MLN: variants seen among roughly 807,000 people sequenced by gnomAD.
The protein encoded by MLN is promotilin.
MLN carries 14 observed loss-of-function variants against 13.3 expected under a neutral mutation model. The observed-to-expected ratio is 1.05, with a 90% CI of 0.69 to 1.64. The LOEUF is 1.64. Among genes scored for constraint, MLN ranks in the 40% most tolerant of loss-of-function variants. MLN has a pLI of 0.00. For synonymous variants in MLN, 59 were observed against 54.7 expected (o/e 1.08, Z -0.34); for missense variants, 122 against 142.9 (o/e 0.85, Z 0.75).
Position 33,794,850 on chromosome 6 carries a change from A to C in MLN, c.338-15T>G, listed in dbSNP as rs1767871296. On this transcript the variant is annotated splice_polypyrimidine_tract_variant and intron_variant, in intron 4 of 4. Transcript: ENST00000430124. ...TCACTTGGCTGCTGGAGAAAAGCAG[A>C]GGTTTGCGCTCAGTACCATCATCAG... 2 of 1,613,400 alleles carry C rather than the reference A, an allele frequency of 1.2e-6. No homozygotes were observed. The highest frequency in any genetic ancestry group is 1.3e-5 in the African/African-American group (1 of 74,886).
chr6:33,797,845 C>A (rs1481969806), intron 3 of MLN, among the ~76,000 whole-genome samples: 1 of 152,170 alleles, frequency 6.6e-6, no homozygotes, highest in East Asian at 1.9e-4. Flanking sequence ...TCCCATCCCT[C>A]CTCTGCTCAA....
intron 1 of MLN, 73 bp from the exon 2 acceptor site, chr6:33,801,243 C>T: frequency 8.8e-7 from 1 of 1,140,792 alleles, no homozygotes; most frequent in Non-Finnish European, 1.3e-6. Flanking sequence ...GAGGCAGGGG[C>T]CCTCAGTTCT....
intron 3 of MLN, among the ~76,000 whole-genome samples, chr6:33,796,088 T>A: frequency 6.6e-6 from 1 of 151,906 alleles, no homozygotes; most frequent in East Asian, 1.9e-4. Flanking sequence ...GCCTCCCAAG[T>A]AGCTGGGACT....
rs1229140330 is a variant in MLN at position 33,803,352 on chromosome 6, G to C, written c.-8+601C>G. On this transcript the variant is annotated intron_variant, in intron 1 of 4. Transcript: ENST00000430124. This position sits in a 1 kb window ranked among gnomAD's most constrained non-coding sequence, Gnocchi z 4.5. Reference sequence around the variant, plus strand: ...AGATGGAGTCTCGCTCTGTCTCCCAGGCTAGAGTGCAGTGGCGCGATCTCG... The same window carrying C: ...AGATGGAGTCTCGCTCTGTCTCCCACGCTAGAGTGCAGTGGCGCGATCTCG... 6.9e-6 allele frequency among the ~76,000 whole-genome samples: 1 copy of C among 144,920 alleles called. No individual in the cohort carries two copies. The highest frequency in any genetic ancestry group is 1.5e-5 in the Non-Finnish European group (1 of 66,994).
rs775919476 is a variant in MLN, at chr6:33,801,055, T to C, written c.109A>G (p.Arg37Gly). ...CAGCAGGGGGTTCTTACCTGCATCC[T>C]CTGGAGTTCGCCATAGGTGAAGATG... The part of the protein sequence containing the change: ...VPIFTYGELQ[R>G]MQEKERNKGQ... Residue 37 changes from arginine to glycine, a missense_variant, in exon 2 of 5, where the codon AGG (arginine) becomes GGG (glycine). Arg to Gly is a moderately radical substitution (Grantham distance 125, BLOSUM62 -2). Transcript: ENST00000430124. 1 of 1,613,774 alleles carries C rather than the reference T, an allele frequency of 6.2e-7. No individual in the cohort carries two copies. Among genetic ancestry groups the C allele is most frequent in the Admixed American group, 1.7e-5 (1 of 60,028 alleles).
At position 33,803,305 on chromosome 6, in the gene MLN, TTC is replaced by T. The variant is rs1468121174; in HGVS notation, c.-8+646_-8+647del. ...AACTTTTTCTTTTCCTTTTCTTTTC[TTC>T]TTTTTTTTTTTTTTTTCTGAGATGG... On this transcript the variant is annotated intron_variant, in intron 1 of 4. Transcript: ENST00000430124. This position sits in a 1 kb window ranked among gnomAD's most constrained non-coding sequence, Gnocchi z 4.5. Among the ~76,000 whole-genome samples the T allele has an allele frequency of 1.5e-5, 2 of 131,518 alleles. No individual in the cohort carries two copies. The highest frequency in any genetic ancestry group is 5.2e-5 in the African/African-American group (2 of 38,464). The allele number at this position is 131,518 out of a possible 152,430, so 86.3% of individuals were successfully genotyped here.
Position 33,795,591 on chromosome 6 carries a change from C to A in MLN, c.249G>T (p.Leu83=). 1 of 1,557,982 alleles carries A rather than the reference C, an allele frequency of 6.4e-7. No individual in the cohort carries two copies. The highest frequency in any genetic ancestry group is 2.4e-5 in the East Asian group (1 of 42,130). Reference sequence around the variant, plus strand: ...TGGAGTTCATCCTCATTCCAATTTCCAGAGGAGCAGTCAGCTGTGAAATAA... The same window carrying A: ...TGGAGTTCATCCTCATTCCAATTTCAAGAGGAGCAGTCAGCTGTGAAATAA... ...ENEMIKLTAP[L]EIGMRMNSRQ... The change falls in exon 4 of 5, where the codon CTG becomes CTT. Residue 83 remains leucine (L), a synonymous_variant. Transcript: ENST00000430124.
rs772388459 is a variant in MLN, at chr6:33,799,111, C to A, written c.228G>T (p.Met76Ile). 1.2e-6 allele frequency: 2 copies of A among 1,603,636 alleles called. No homozygotes were observed. The highest frequency in any genetic ancestry group is 1.1e-5 in the South Asian group (1 of 90,494). The change falls in exon 3 of 5, where the codon ATG (methionine) becomes ATT (isoleucine). Residue 76 changes from methionine to isoleucine, a missense_variant. Met to Ile is a conservative substitution (Grantham distance 10). Transcript: ENST00000430124. The surrounding 1 kb of genome is among the most constrained non-coding windows in gnomAD (Gnocchi z 4.6). ...AEPIREEENE[M>I]IKLTAPLEIG... ...GTCCCAGTTGTCTGCTCACCTTGAT[C>A]ATTTCGTTTTCTTCTTCCCTGATGG...
At chr6:33,801,761 C>T (rs1428631484) in intron 1 of MLN, among the ~76,000 whole-genome samples, 3 of 152,254 alleles carry the variant, frequency 2.0e-5, no homozygotes, top group Non-Finnish European at 2.9e-5. Flanking sequence ...CCCCCTTCCC[C>T]GTTGGGGGAG....
At position 33,803,796 on chromosome 6, in the gene MLN, T is replaced by C. The variant is rs528690082; in HGVS notation, c.-8+157A>G. On this transcript the variant is annotated intron_variant, in intron 1 of 4. Transcript: ENST00000430124. The surrounding 1 kb of genome is among the most constrained non-coding windows in gnomAD (Gnocchi z 4.5). ...CCTCAGCCCTGCCTCTGCTCACTGA[T>C]GCCCTGGGAATCAGCGCGGGCACTC... Among the ~76,000 whole-genome samples, 1 of 152,210 alleles carries C rather than the reference T, an allele frequency of 6.6e-6. No homozygotes were observed. Among genetic ancestry groups the C allele is most frequent in the Admixed American group, 6.5e-5 (1 of 15,284 alleles).
At chr6:33,800,757 G>A (rs1034602808) in intron 2 of MLN, among the ~76,000 whole-genome samples, 1 of 152,238 alleles carries the variant, frequency 6.6e-6, no homozygotes, top group African/African-American at 2.4e-5. Flanking sequence ...CTGCATGCTC[G>A]GGCTCATCGC....
At chr6:33,794,867 C>T in intron 4 of MLN, 32 bp from the exon 5 acceptor site, 1 of 1,613,070 alleles carries the variant, frequency 6.2e-7, no homozygotes, top group Non-Finnish European at 8.5e-7. Context: ...CGCTCAGTAC[C>T]ATCATCAGGT....
intron 3 of MLN, among the ~76,000 whole-genome samples, 154 bp downstream of exon 3, chr6:33,798,951 C>T (rs116979202): frequency 2.0e-4 from 30 of 152,126 alleles, no homozygotes; most frequent in Non-Finnish European, 3.2e-4. Flanking sequence ...TCTCTCCCTA[C>T]GAGGATGGAG....
rs776045835 is a variant in MLN at position 33,799,228 on chromosome 6, G to A, written c.118-7C>T. 2.5e-6 allele frequency: 4 copies of A among 1,602,666 alleles called. No homozygotes were observed. The highest frequency in any genetic ancestry group is 2.7e-5 in the African/African-American group (2 of 74,850). ...CTTTATTCCGTTCCTTTTCCTAGGG[G>A]CAGAACAGAAAATTGCACAAAACCG... On this transcript the variant is annotated splice_polypyrimidine_tract_variant and splice_region_variant and intron_variant, in intron 2 of 4. Coordinates refer to ENST00000430124, the MANE Select transcript of MLN (RefSeq NM_002418.3). The surrounding 1 kb of genome is among the most constrained non-coding windows in gnomAD (Gnocchi z 4.6).
In MLN at chr6:33,795,535, TC is replaced by T; in HGVS notation, c.304del (p.Glu102LysfsTer4). ...GGGAAGCATCTCACTCAGCAGCCCT[TC>T]CAGGGTGGCCGGGTACTTTTCCAGC... Reference protein sequence around the residue: ...RQLEKYPATLEGLLSEMLPQH... With the variant: ...RQLEKYPATLXGLLSEMLPQH... On this transcript the variant is annotated frameshift_variant, in exon 4 of 5. Transcript: ENST00000430124. LOFTEE classifies it low-confidence loss of function (END_TRUNC). The T allele has an allele frequency of 6.4e-7, 1 of 1,567,202 alleles. No homozygotes were observed. Among genetic ancestry groups the T allele is most frequent in the Non-Finnish European group, 8.7e-7 (1 of 1,154,442 alleles).
chr6:33,795,407 CA>C, intron 4 of MLN, 95 bp downstream of exon 4: 1 of 983,860 alleles, frequency 1.0e-6, no homozygotes, highest in Non-Finnish European at 1.5e-6. Flanking sequence ...GCAAAGCAGC[CA>C]AACAAATTGC....
At chr6:33,801,214 G>A in intron 1 of MLN, 44 bp from the exon 2 acceptor site, 1 of 1,439,728 alleles carries the variant, frequency 6.9e-7, no homozygotes, top group Non-Finnish European at 9.8e-7. Context: ...TTGGGGTACA[G>A]TGGCAGACTG....
Position 33,803,368 on chromosome 6 carries a change from C to T in MLN, c.-8+585G>A, listed in dbSNP as rs1422630591. On this transcript the variant is annotated intron_variant, in intron 1 of 4. Coordinates refer to ENST00000430124, the MANE Select transcript of MLN (RefSeq NM_002418.3). The surrounding 1 kb of genome is among the most constrained non-coding windows in gnomAD (Gnocchi z 4.5). ...TGTCTCCCAGGCTAGAGTGCAGTGG[C>T]GCGATCTCGGCTCACTGCAACCTCT... 8.8e-5 allele frequency among the ~76,000 whole-genome samples: 13 copies of T among 147,934 alleles called. No individual in the cohort carries two copies. The highest frequency in any genetic ancestry group is 6.2e-4 in the Admixed American group (9 of 14,562).
chr6:33,797,744 C>T lies in MLN; in HGVS notation c.234+1361G>A, dbSNP rs115330459. On this transcript the variant is annotated intron_variant, in intron 3 of 4. Transcript: ENST00000430124. ...CTCTGTCTCTCTTAGACTATAGCAG[C>T]CTCCTCAGTGGCCTCCCTAAATCTG... 9.2e-3 allele frequency among the ~76,000 whole-genome samples: 1,406 copies of T among 152,288 alleles called. 29 individuals carry two copies. The highest frequency in any genetic ancestry group is 0.029 in the African/African-American group (1,197 of 41,536).
Sources: gnomAD v4.1 joint callset for allele counts (sites outside exome capture counted in the v4.1 genomes callset) on GRCh38, gnomAD v4.1.1 for gene constraint, Gnocchi (gnomAD v3.1) non-coding constraint, MANE v1.5 for transcripts, NCBI Gene and HGNC (gene_info 2026-07-23, HGNC 2026-07-21) for gene names.